Variants in NKAIN3 observed in about 807,000 individuals in gnomAD.
NKAIN3 encodes the protein sodium/potassium transporting ATPase interacting 3.
NKAIN3 carries 25 observed loss-of-function variants against 30.2 expected under a neutral mutation model. That is an observed-to-expected ratio of 0.83 (90% confidence interval 0.60 to 1.16). NKAIN3 has a LOEUF of 1.16. NKAIN3 is among the 50% of genes most tolerant of loss of function. The probability of loss-of-function intolerance (pLI) is 0.00; values close to 1 mark genes in which losing one functional copy is unlikely to be tolerated. For missense variants in NKAIN3, 225 were observed against 254.1 expected, an observed-to-expected ratio of 0.89 and a Z score of 0.78; for synonymous variants, 91 against 89.6, an observed-to-expected ratio of 1.02 and a Z score of -0.09.
At chr8:62,912,389 A>G (rs1821947058) in intron 4 of NKAIN3, among the ~76,000 whole-genome samples, 1 of 152,164 alleles carries the variant, frequency 6.6e-6, no homozygotes, top group African/African-American at 2.4e-5. Context: ...GCTATACTAC[A>G]TTTAATTTTT....
Position 62,979,372 on chromosome 8 carries a change from C to A in NKAIN3, c.*13965C>A, listed in dbSNP as rs1188429269. 6.6e-6 allele frequency: 1 copy of A among 152,162 alleles called. No homozygotes were observed. Among genetic ancestry groups the A allele is most frequent in the African/African-American group, 2.4e-5 (1 of 41,424 alleles). 9.4% of individuals were successfully genotyped at this position (152,162 alleles called of 1,614,324 possible). ...CTCCTAATACCTAGTGTTTGCAAAT[C>A]TGGCAGCTGTCACTGATGATTTAAA... On this transcript the variant is annotated 3_prime_UTR_variant, in exon 7 of 7. Coordinates refer to ENST00000623646, the MANE Select transcript of NKAIN3 (RefSeq NM_001304533.3).
At chr8:62,484,002 G>A (rs954629015) in intron 1 of NKAIN3, among the ~76,000 whole-genome samples, 10 of 152,150 alleles carry the variant, frequency 6.6e-5, no homozygotes, top group African/African-American at 1.9e-4. Context: ...TAGTAGACAC[G>A]CCAAGTGAAG....
chr8:62,914,165 A>T (rs1822008462), intron 4 of NKAIN3, among the ~76,000 whole-genome samples: 1 of 152,224 alleles, frequency 6.6e-6, no homozygotes, highest in Admixed American at 6.5e-5. Flanking sequence ...ATGCAACCAT[A>T]AAAAATAACG....
chr8:62,965,816 T>C lies in NKAIN3; in HGVS notation c.*409T>C. ...GTTATTCTAGGCCTGATGAATTTGTTTTAGCAGACATTACCTGTGGTTATC... is the reference window on the plus strand; with the variant it reads ...GTTATTCTAGGCCTGATGAATTTGTCTTAGCAGACATTACCTGTGGTTATC... On this transcript the variant is annotated 3_prime_UTR_variant, in exon 7 of 7. Coordinates refer to ENST00000623646, the MANE Select transcript of NKAIN3 (RefSeq NM_001304533.3). 1.0e-6 allele frequency: 1 copy of C among 985,286 alleles called. No individual in the cohort carries two copies. The highest frequency in any genetic ancestry group is 1.2e-6 in the Non-Finnish European group (1 of 829,854). 61.0% of individuals were successfully genotyped at this position (985,286 alleles called of 1,614,324 possible).
intron 3 of NKAIN3, among the ~76,000 whole-genome samples, chr8:62,627,172 C>T (rs1334900252): frequency 6.6e-6 from 1 of 152,066 alleles, no homozygotes; most frequent in Non-Finnish European, 1.5e-5. Flanking sequence ...CTTAATTGTG[C>T]CAGTTACTCT....
intron 1 of NKAIN3, among the ~76,000 whole-genome samples, chr8:62,309,436 C>T (rs1814356751): frequency 6.6e-6 from 1 of 150,672 alleles, no homozygotes; most frequent in African/African-American, 2.5e-5. Flanking sequence ...CAAGGAGCTA[C>T]AGATCTAGCT....
chr8:62,533,070 A>G (rs893530923), intron 1 of NKAIN3, among the ~76,000 whole-genome samples: 1 of 152,212 alleles, frequency 6.6e-6, no homozygotes, highest in African/African-American at 2.4e-5. Flanking sequence ...GGGAGACAAC[A>G]GAAATAAATC....
intron 4 of NKAIN3, among the ~76,000 whole-genome samples, chr8:62,889,620 A>G (rs1424136149): frequency 1.3e-5 from 2 of 152,196 alleles, no homozygotes; most frequent in East Asian, 3.9e-4. Flanking sequence ...TACCTAAGGA[A>G]GTGAAGAAAT....
chr8:62,511,155 C>T (rs147206818), intron 1 of NKAIN3, among the ~76,000 whole-genome samples: 240 of 152,316 alleles, frequency 1.6e-3, no homozygotes, highest in Non-Finnish European at 2.1e-3. Flanking sequence ...GCTTTCCCCA[C>T]ACCCTGGAAT....
chr8:62,898,360 G>A (rs1947484), intron 4 of NKAIN3, among the ~76,000 whole-genome samples: 44,243 of 151,910 alleles, frequency 0.29, 6,750 homozygotes, highest in African/African-American at 0.36. Context: ...AGGTATATTC[G>A]CACCAGGGAA....
At chr8:62,875,715 G>A (rs1820776317) in intron 4 of NKAIN3, among the ~76,000 whole-genome samples, 1 of 152,104 alleles carries the variant, frequency 6.6e-6, no homozygotes, top group Non-Finnish European at 1.5e-5. Flanking sequence ...ACAAAAACAA[G>A]CAATGGGGAA....
chr8:62,689,035 C>T (rs1813882387), intron 3 of NKAIN3, among the ~76,000 whole-genome samples: 1 of 152,138 alleles, frequency 6.6e-6, no homozygotes, highest in Non-Finnish European at 1.5e-5. Context: ...TTATAGTTTG[C>T]CCATTCTACG....
chr8:62,984,948 T>G (rs1199076157), downstream of NKAIN3: 1 of 152,198 alleles, frequency 6.6e-6, no homozygotes, highest in Admixed American at 6.5e-5. Flanking sequence ...TATTATATAT[T>G]TATTGTAGTA....
At chr8:62,475,390 C>T (rs1255701410) in intron 1 of NKAIN3, among the ~76,000 whole-genome samples, 2 of 152,178 alleles carry the variant, frequency 1.3e-5, no homozygotes, top group African/African-American at 4.8e-5. Flanking sequence ...TTCGTGGGCC[C>T]TTCTGTGAGA....
At chr8:62,468,959 C>T (rs1215194855) in intron 1 of NKAIN3, among the ~76,000 whole-genome samples, 1 of 152,126 alleles carries the variant, frequency 6.6e-6, no homozygotes, top group African/African-American at 2.4e-5. Flanking sequence ...GCATTCTTCC[C>T]AATAATCAAA....
intron 5 of NKAIN3, among the ~76,000 whole-genome samples, chr8:62,952,340 C>CA (rs1328974615): frequency 1.3e-5 from 2 of 152,122 alleles, no homozygotes; most frequent in Non-Finnish European, 1.5e-5. Context: ...AGGAAACTTA[C>CA]AACTGCATCC....
chr8:62,988,392 G>A (rs189402261), downstream of NKAIN3, among the ~76,000 whole-genome samples: 7 of 152,352 alleles, frequency 4.6e-5, no homozygotes, highest in East Asian at 1.4e-3. Context: ...CTCCATGAGG[G>A]CTCCGCACCT....
At chr8:62,404,346 G>C (rs1025431109) in intron 1 of NKAIN3, among the ~76,000 whole-genome samples, 2 of 152,174 alleles carry the variant, frequency 1.3e-5, no homozygotes, top group African/African-American at 4.8e-5. Flanking sequence ...GGAGGGGCCA[G>C]GGGAGGAATG....
chr8:62,546,829 G>C (rs1326189114), intron 1 of NKAIN3, among the ~76,000 whole-genome samples: 6 of 152,172 alleles, frequency 3.9e-5, no homozygotes, highest in Admixed American at 2.6e-4. Context: ...TTAGAATGCT[G>C]TCCCTGGGAT....
Sources: allele counts gnomAD v4.1 joint callset (sites outside exome capture counted in the v4.1 genomes callset), GRCh38; gene constraint gnomAD v4.1.1; transcripts MANE v1.5; gene names NCBI Gene and HGNC (gene_info 2026-07-23, HGNC 2026-07-21).